The following FAM9C variants were observed in gnomAD, a reference collection of about 807,000 sequenced individuals.
FAM9C encodes the protein family with sequence similarity 9 member C.
A neutral mutation model predicts 14.8 loss-of-function variants in FAM9C; 15 were observed. That is an observed-to-expected ratio of 1.02 (90% CI 0.68 to 1.56). The LOEUF (loss-of-function observed/expected upper bound fraction) is 1.56, where lower values mean the gene tolerates loss of function less well. FAM9C is among the 40% of genes most tolerant of loss of function. The pLI is 0.00. For missense variants in FAM9C, 116 were observed against 118.0 expected (o/e 0.98, Z 0.08); for synonymous variants, 45 against 37.5 (o/e 1.20, Z -0.74).
Position 13,038,513 on chromosome X carries a change from CA to C in FAM9C, c.439-11del. 3.3e-6 allele frequency: 4 copies of C among 1,194,975 alleles called. No homozygotes were observed. Among genetic ancestry groups the C allele is most frequent in the Non-Finnish European group, 4.5e-6 (4 of 887,898 alleles). ...GCTCTTGAAATATTTTCTAGAGGCACAAAACAAAAAAGTGATTAAAATTGGG... is the reference window on the plus strand; with the variant it reads ...GCTCTTGAAATATTTTCTAGAGGCACAAACAAAAAAGTGATTAAAATTGGG... On this transcript the variant is annotated splice_polypyrimidine_tract_variant and intron_variant, in intron 6 of 7. Transcript: ENST00000380625.
rs1317380439 is a variant in FAM9C at position 13,035,813 on chromosome X, A to G, written c.*231T>C. The G allele has an allele frequency of 1.8e-5, 2 of 112,442 alleles. No individual in the cohort carries two copies. Among genetic ancestry groups the G allele is most frequent in the East Asian group, 5.5e-4 (2 of 3,638 alleles). The allele number at this position is 112,442 out of a possible 1,213,427, so 9.3% of individuals were successfully genotyped here. ...CTGTCTAGGGTTCATTCAACAGATC[A>G]TAGAAACGTGGTCTGGCATTTAACA... On this transcript the variant is annotated 3_prime_UTR_variant, in exon 8 of 8. Coordinates refer to ENST00000380625, the MANE Select transcript of FAM9C (RefSeq NM_174901.6).
chrX:13,042,841 TA>T, intron 4 of FAM9C, 76 bp downstream of exon 4: 1 of 1,056,138 alleles, frequency 9.5e-7, no homozygotes, highest in Non-Finnish European at 1.3e-6. Context: ...TGTCATCCAC[TA>T]ATTCATATAA....
chrX:13,043,298 T>C, intron 2 of FAM9C, 50 bp from the exon 3 acceptor site: 1 of 1,159,236 alleles, frequency 8.6e-7, no homozygotes, highest in Admixed American at 2.7e-5. Context: ...GACGCTGTTG[T>C]GGACATTTTT....
At chrX:13,039,223 G>A (rs890686492) in intron 6 of FAM9C, among the ~76,000 whole-genome samples, 1 of 111,183 alleles carries the variant, frequency 9.0e-6, no homozygotes, top group Non-Finnish European at 1.9e-5. Flanking sequence ...AACTAGCAAT[G>A]GTCAAACTGG....
At position 13,044,614 on chromosome X, in the gene FAM9C, G is replaced by T. The variant is rs2043560350; in HGVS notation, c.-143C>A. On this transcript the variant is annotated 5_prime_UTR_variant, in exon 1 of 8. Transcript: ENST00000380625. The stretch of plus-strand genomic sequence containing the variant: ...CCGCGAAGCTCCTCCGAGGGCCTGG[G>T]TCCTCTGTTCTCACGAGAGCAGCAG... The T allele has an allele frequency of 8.9e-6, 1 of 112,644 alleles. No individual in the cohort carries two copies. The highest frequency in any genetic ancestry group is 3.2e-5 in the African/African-American group (1 of 31,064). The allele number at this position is 112,644 out of a possible 1,213,427, so 9.3% of individuals were successfully genotyped here.
intron 3 of FAM9C, 39 bp from the exon 4 acceptor site, chrX:13,042,988 T>A: frequency 8.5e-7 from 1 of 1,174,957 alleles, no homozygotes; most frequent in Non-Finnish European, 1.1e-6. Flanking sequence ...AACATAATGC[T>A]ACACAAAAGG....
chrX:13,039,672 T>C, intron 6 of FAM9C, 136 bp downstream of exon 6: 1 of 996,522 alleles, frequency 1.0e-6, no homozygotes, highest in Non-Finnish European at 1.3e-6. Flanking sequence ...TATATTCCCC[T>C]AGTCCATGAG....
At position 13,039,818 on chromosome X, in the gene FAM9C, T is replaced by A. The variant is rs765013793; in HGVS notation, c.428A>T (p.Glu143Val). ...QKDEEGDGEK[E>V]EQIKIFQEQQ... is the part of the protein sequence containing the mutation. ...AAGCCTGATACCAACAATTTGTTCT[T>A]CCTTTTCTCCATCTCCTTCCTCATC... Residue 143 changes from glutamate to valine, a missense_variant, in exon 6 of 8, where the codon GAA becomes GTA. Transcript: ENST00000380625. 1.7e-6 allele frequency: 2 copies of A among 1,207,376 alleles called. No individual in the cohort carries two copies. Among genetic ancestry groups the A allele is most frequent in the Non-Finnish European group, 2.2e-6 (2 of 893,976 alleles).
At chrX:13,041,527 C>T (rs757822783) in intron 4 of FAM9C, 93 of 111,552 alleles carry the variant, frequency 8.3e-4, no homozygotes, top group African/African-American at 2.6e-3. Flanking sequence ...GGACATGTTT[C>T]CGTGAAATAC....
intron 6 of FAM9C, 53 bp from the exon 7 acceptor site, chrX:13,038,556 T>C (rs1326042601): frequency 6.7e-6 from 7 of 1,048,464 alleles, no homozygotes; most frequent in South Asian, 6.4e-5. Flanking sequence ...TTAATACTTA[T>C]AAAACATTCT....
chrX:13,042,181 A>C (rs1325907319), intron 4 of FAM9C: 1 of 112,311 alleles, frequency 8.9e-6, no homozygotes, highest in Non-Finnish European at 1.9e-5. Flanking sequence ...TTTTGGATCC[A>C]ATTGTATGCT....
intron 2 of FAM9C, 119 bp from the exon 3 acceptor site, chrX:13,043,367 G>T (rs2043544987): frequency 1.0e-6 from 1 of 958,855 alleles, no homozygotes; most frequent in Non-Finnish European, 1.4e-6. Flanking sequence ...AAGCTTTACC[G>T]CAGAGCTATA....
intron 7 of FAM9C, chrX:13,037,598 AT>A (rs2147289592): frequency 8.8e-6 from 1 of 113,078 alleles, no homozygotes; most frequent in East Asian, 2.8e-4. Context: ...TTCCCAGTTT[AT>A]TTAACACATC....
intron 7 of FAM9C, chrX:13,036,848 C>CA (rs1355981962): frequency 9.0e-6 from 1 of 111,306 alleles, no homozygotes; most frequent in African/African-American, 3.3e-5. Context: ...TGTGGAAGAG[C>CA]AACTCACTCG....
In FAM9C at chrX:13,043,122, C is replaced by G; in HGVS notation, c.182+6G>C. ...CTGACAGGCAAAAGGGACTTAAACA[C>G]TTTACCCCGTGTGTTCATCTGTTTC... is the stretch of plus-strand genomic sequence containing the variant. On this transcript the variant is annotated splice_donor_region_variant and intron_variant, in intron 3 of 7. Transcript: ENST00000380625. 4 of 1,203,977 alleles carry G rather than the reference C, an allele frequency of 3.3e-6. No homozygotes were observed. Among genetic ancestry groups the G allele is most frequent in the Non-Finnish European group, 4.5e-6 (4 of 893,058 alleles).
intron 7 of FAM9C, 56 bp downstream of exon 7, chrX:13,038,360 T>C: frequency 1.1e-6 from 1 of 948,201 alleles, no homozygotes; most frequent in Non-Finnish European, 1.4e-6. Context: ...TGTCTTCTAT[T>C]TTTATGCATG....
chrX:13,039,399 A>G (rs2043506658), intron 6 of FAM9C, among the ~76,000 whole-genome samples: 1 of 110,960 alleles, frequency 9.0e-6, no homozygotes, highest in Non-Finnish European at 1.9e-5. Flanking sequence ...TATTGAATGG[A>G]GCACTTTTCA....
intron 2 of FAM9C, 130 bp from the exon 3 acceptor site, chrX:13,043,378 C>G: frequency 1.1e-6 from 1 of 900,767 alleles, no homozygotes. Context: ...CAGAGCTATA[C>G]ATGGAATCGC....
chrX:13,041,093 T>A, intron 4 of FAM9C: 2 of 247,908 alleles, frequency 8.1e-6, no homozygotes, highest in Non-Finnish European at 1.4e-5. Context: ...ATCACTTAAT[T>A]GACAGATAAT....
Sources: allele counts gnomAD v4.1 joint callset (sites outside exome capture counted in the v4.1 genomes callset), GRCh38; gene constraint gnomAD v4.1.1; transcripts MANE v1.5; gene names NCBI Gene and HGNC (gene_info 2026-07-23, HGNC 2026-07-21).